The following CPS1 variants were observed in gnomAD, a reference collection of about 807,000 sequenced individuals.
CPS1 encodes carbamoyl-phosphate synthase 1.
Under a neutral mutation model 174.6 loss-of-function variants are expected in CPS1, and 109 were observed. The observed-to-expected ratio is 0.62, with a 90% confidence interval of 0.53 to 0.73. The LOEUF is 0.73. CPS1 is among the 30% of genes least tolerant of loss of function. The probability of loss-of-function intolerance (pLI) is 0.00; values close to 1 mark genes in which losing one functional copy is unlikely to be tolerated. For missense variants in CPS1, 1,689 were observed against 1,821.9 expected (o/e 0.93, Z 1.33); for synonymous variants, 637 against 632.0 (o/e 1.01, Z -0.12).
intron 1 of CPS1, chr2:210,519,517 A>G (rs1361089949): frequency 6.6e-6 from 1 of 152,334 alleles, no homozygotes; most frequent in African/African-American, 2.4e-5. Flanking sequence ...AATTCTGAAT[A>G]ATTATTGTCA....
chr2:210,671,948 A>G (rs1319310133), intron 34 of CPS1: 1 of 152,154 alleles, frequency 6.6e-6, no homozygotes, highest in Admixed American at 6.5e-5. Flanking sequence ...GCCAAGGTTA[A>G]TGCAATCTTG....
chr2:210,665,996 T>C (rs1240779591), intron 33 of CPS1, among the ~76,000 whole-genome samples: 3 of 149,734 alleles, frequency 2.0e-5, no homozygotes, highest in Non-Finnish European at 3.0e-5. Flanking sequence ...TGTTGTTTCC[T>C]GACTTTTTAA....
chr2:210,552,054 G>A (rs571449179), upstream of CPS1, among the ~76,000 whole-genome samples: 1 of 151,814 alleles, frequency 6.6e-6, no homozygotes, highest in African/African-American at 2.4e-5. Flanking sequence ...AATTGTGACC[G>A]TGTTCCTTGT....
In CPS1 at chr2:210,606,666, G is replaced by T. The variant is rs1698921198; in HGVS notation, c.1982-65G>T. On this transcript the variant is annotated intron_variant, in intron 17 of 37. Transcript: ENST00000233072. ...ATGTCTTGCATCGTGCAAGTAGATG[G>T]TTAAGTCGCTGAAGTTGGTTATTTC... The T allele has an allele frequency of 2.8e-6, 4 of 1,445,476 alleles. No individual in the cohort carries two copies. In the South Asian group the frequency reaches 3.4e-5, roughly 12 times the overall value. 89.5% of individuals were successfully genotyped at this position (1,445,476 alleles called of 1,614,324 possible).
At chr2:210,622,800 A>C (rs1166727443) in intron 21 of CPS1, among the ~76,000 whole-genome samples, 1 of 150,912 alleles carries the variant, frequency 6.6e-6, no homozygotes, top group East Asian at 2.0e-4. Flanking sequence ...ACAGGCAAGA[A>C]AAAAAAAGTG....
At position 210,612,171 on chromosome 2, in the gene CPS1, T is replaced by G; in HGVS notation, c.2446T>G (p.Cys816Gly). The G allele has an allele frequency of 2.5e-6, 4 of 1,612,288 alleles. No individual in the cohort carries two copies. Among genetic ancestry groups the G allele is most frequent in the Non-Finnish European group, 3.4e-6 (4 of 1,178,860 alleles). The change falls in exon 20 of 38, where the codon TGC becomes GGC. Residue 816 changes from cysteine (C) to glycine (G), a missense_variant. Physicochemically the swap from Cys to Gly is radical, Grantham distance 159. Transcript: ENST00000233072. ...EESFQKALRM[C>G]HPSIEGFTPR... ...GAGTTTCCAGAAAGCTTTACGGATGTGCCACCCATCTATAGAAGGTTTCAC... is the reference window on the plus strand; with the variant it reads ...GAGTTTCCAGAAAGCTTTACGGATGGGCCACCCATCTATAGAAGGTTTCAC...
chr2:210,492,855 C>A (rs573541231), intron 1 of CPS1, among the ~76,000 whole-genome samples: 1 of 152,056 alleles, frequency 6.6e-6, no homozygotes, highest in East Asian at 1.9e-4. Context: ...TATACAATAA[C>A]TTAAAACATT....
chr2:210,593,450 G>A (rs1407309076), intron 11 of CPS1: 3 of 995,534 alleles, frequency 3.0e-6, no homozygotes, highest in Non-Finnish European at 3.6e-6. Context: ...TGATTCAGAC[G>A]GCTTCAGAAA....
At chr2:210,596,433 G>A (rs914848753) in intron 13 of CPS1, among the ~76,000 whole-genome samples, 3 of 151,844 alleles carry the variant, frequency 2.0e-5, no homozygotes, top group Non-Finnish European at 4.4e-5. Flanking sequence ...GCAAACCTGG[G>A]AAAAATAGTT....
At chr2:210,496,271 C>T (rs1439530585) in intron 1 of CPS1, among the ~76,000 whole-genome samples, 1 of 152,144 alleles carries the variant, frequency 6.6e-6, no homozygotes, top group Non-Finnish European at 1.5e-5. Context: ...CTGTGTATGT[C>T]TCTCTGTCTC....
intron 34 of CPS1, chr2:210,674,011 A>G (rs1268759615): frequency 1.3e-5 from 2 of 152,336 alleles, no homozygotes; most frequent in East Asian, 3.9e-4. Context: ...CAGGATTTGA[A>G]ATGCAGCTAA....
intron 23 of CPS1, among the ~76,000 whole-genome samples, chr2:210,639,778 A>C (rs1449775008): frequency 6.6e-6 from 1 of 152,206 alleles, no homozygotes; most frequent in African/African-American, 2.4e-5. Flanking sequence ...CTATGTTCTC[A>C]TGACTATTTA....
At chr2:210,599,345 T>C (rs183323320) in intron 13 of CPS1, 27 bp from the exon 14 acceptor site, 15 of 1,602,458 alleles carry the variant, frequency 9.4e-6, no homozygotes, top group Non-Finnish European at 1.2e-5. Context: ...CATATATTCA[T>C]GTACTGGATT....
At position 210,481,761 on chromosome 2, in the gene CPS1, G is replaced by A. The variant is rs143098543; in HGVS notation, c.3+3995G>A. Among the ~76,000 whole-genome samples, 4 of 152,348 alleles carry A rather than the reference G, an allele frequency of 2.6e-5. No individual in the cohort carries two copies. In the South Asian group the frequency reaches 8.3e-4, roughly 32 times the overall value. On this transcript the variant is annotated intron_variant, in intron 1 of 38. Transcript: ENST00000430249. Reference sequence around the variant, plus strand: ...TATTTGCCTTGAGGGCAGGTGTATAGGTGAGTAACTGTAAGTAGAATGTAG... The same window carrying A: ...TATTTGCCTTGAGGGCAGGTGTATAAGTGAGTAACTGTAAGTAGAATGTAG...
chr2:210,577,369 G>A (rs1277971129), intron 3 of CPS1, 52 bp from the exon 4 acceptor site: 2 of 1,349,758 alleles, frequency 1.5e-6, no homozygotes, highest in East Asian at 2.3e-5. Context: ...ACTCACAAGA[G>A]TTGGATAATA....
chr2:210,506,696 C>G (rs911104513), intron 1 of CPS1, among the ~76,000 whole-genome samples: 2 of 152,152 alleles, frequency 1.3e-5, no homozygotes, highest in African/African-American at 4.8e-5. Context: ...CCTGATGGAG[C>G]TGAAAACCAA....
intron 5 of CPS1, 30 bp from the exon 6 acceptor site, chr2:210,582,587 T>C (rs1445485647): frequency 6.4e-7 from 1 of 1,550,552 alleles, no homozygotes; most frequent in Non-Finnish European, 8.9e-7. Flanking sequence ...GTTGCTTCCT[T>C]TTAACTGTCT....
rs1697227378 is a variant in CPS1 at position 210,564,562 on chromosome 2, G to A, written c.126+7703G>A. Among the ~76,000 whole-genome samples the A allele has an allele frequency of 2.0e-5, 3 of 152,126 alleles. No homozygotes were observed. The South Asian group carries it at 6.2e-4, about 32-fold the overall frequency. On this transcript the variant is annotated intron_variant, in intron 1 of 37. Coordinates refer to ENST00000233072, the MANE Select transcript of CPS1 (RefSeq NM_001875.5). ...GGCTAATTTTTTTGTATTTTTAGTA[G>A]AGACGGGGTTTCACCGTGTTAGCCA...
chr2:210,564,458 G>C (rs908627279), intron 1 of CPS1, among the ~76,000 whole-genome samples: 28 of 151,948 alleles, frequency 1.8e-4, no homozygotes, highest in East Asian at 1.8e-3. Flanking sequence ...TCACTGCAAG[G>C]TCCGCCTCCG....
Sources: gnomAD v4.1 joint callset for allele counts (sites outside exome capture counted in the v4.1 genomes callset) on GRCh38, gnomAD v4.1.1 for gene constraint, MANE v1.5 for transcripts, NCBI Gene and HGNC (gene_info 2026-07-23, HGNC 2026-07-21) for gene names.